The following CDKAL1 variants were observed in gnomAD, a reference collection of about 807,000 sequenced individuals.
CDKAL1 encodes threonylcarbamoyladenosine tRNA methylthiotransferase.
In CDKAL1, 32 loss-of-function variants were observed where a neutral mutation model predicts 68.2. That is an observed-to-expected ratio of 0.47 (90% CI 0.35 to 0.63). The LOEUF (loss-of-function observed/expected upper bound fraction) is 0.63, where lower values mean the gene tolerates loss of function less well. CDKAL1 is among the 30% of genes least tolerant of loss of function. CDKAL1 has a pLI of 0.00. For synonymous variants in CDKAL1, 234 were observed against 244.3 expected, an observed-to-expected ratio of 0.96 and a Z score of 0.39; for missense variants, 606 against 696.7, an observed-to-expected ratio of 0.87 and a Z score of 1.47.
intron 9 of CDKAL1, among the ~76,000 whole-genome samples, chr6:20,854,562 G>T (rs1033560727): frequency 6.6e-5 from 10 of 152,188 alleles, no homozygotes; most frequent in Non-Finnish European, 1.3e-4. Context: ...AGAAAGAGAG[G>T]TTTGCTGATA....
At chr6:20,545,458 A>T (rs371440632) in intron 2 of CDKAL1, among the ~76,000 whole-genome samples, 6 of 152,068 alleles carry the variant, frequency 3.9e-5, no homozygotes, top group African/African-American at 1.4e-4. Context: ...CTTTTTTGAG[A>T]TGGAGTTTTG....
At chr6:21,040,214 C>T (rs566536131) in intron 11 of CDKAL1, among the ~76,000 whole-genome samples, 2 of 152,208 alleles carry the variant, frequency 1.3e-5, no homozygotes, top group East Asian at 1.9e-4. Context: ...TCTCATAATA[C>T]GATGGAGTTT....
chr6:20,688,715 G>C (rs2127800430), intron 5 of CDKAL1, among the ~76,000 whole-genome samples: 1 of 152,240 alleles, frequency 6.6e-6, no homozygotes, highest in Admixed American at 6.5e-5. Flanking sequence ...TAAATTCCCA[G>C]TCTGATAATT....
At chr6:20,598,090 C>T (rs980829273) in intron 4 of CDKAL1, among the ~76,000 whole-genome samples, 3 of 152,104 alleles carry the variant, frequency 2.0e-5, no homozygotes, top group East Asian at 3.9e-4. Flanking sequence ...AGTTATAGTG[C>T]GGACATGATA....
At chr6:21,012,480 G>A (rs1309798641) in intron 11 of CDKAL1, among the ~76,000 whole-genome samples, 1 of 152,122 alleles carries the variant, frequency 6.6e-6, no homozygotes, top group African/African-American at 2.4e-5. Context: ...TCCAGGTGTG[G>A]CTTTCCATGG....
intron 6 of CDKAL1, among the ~76,000 whole-genome samples, chr6:20,751,850 T>G (rs1055419346): frequency 1.3e-5 from 2 of 152,180 alleles, no homozygotes; most frequent in Non-Finnish European, 2.9e-5. Flanking sequence ...TTTATTTATT[T>G]TATTTGAATT....
intron 5 of CDKAL1, among the ~76,000 whole-genome samples, chr6:20,678,043 TTC>T (rs541230080): frequency 4.5e-4 from 68 of 152,236 alleles, no homozygotes; most frequent in African/African-American, 1.6e-3. Flanking sequence ...GTGTATTCTC[TTC>T]TCTGTTATTA....
intron 14 of CDKAL1, among the ~76,000 whole-genome samples, chr6:21,199,604 T>G (rs1231567302): frequency 3.9e-5 from 6 of 152,182 alleles, no homozygotes; most frequent in Non-Finnish European, 8.8e-5. Context: ...AGCTGCTTCC[T>G]CCAATTTAAA....
At chr6:20,637,342 C>T (rs1274914617) in intron 4 of CDKAL1, among the ~76,000 whole-genome samples, 1 of 152,076 alleles carries the variant, frequency 6.6e-6, no homozygotes, top group East Asian at 1.9e-4. Flanking sequence ...GCGGGAGGAT[C>T]ACTTGAGGTC....
At chr6:20,924,932 A>G (rs764011265) in intron 9 of CDKAL1, among the ~76,000 whole-genome samples, 7 of 152,244 alleles carry the variant, frequency 4.6e-5, no homozygotes, top group Non-Finnish European at 7.3e-5. Context: ...AGTATTACAT[A>G]AACTTAGTTG....
chr6:21,109,779 A>G (rs1042302684), intron 13 of CDKAL1, among the ~76,000 whole-genome samples: 1 of 152,230 alleles, frequency 6.6e-6, no homozygotes, highest in African/African-American at 2.4e-5. Flanking sequence ...AAGCCACTTA[A>G]TGAACATAAG....
chr6:21,205,804 T>C (rs1778898413), intron 15 of CDKAL1, among the ~76,000 whole-genome samples: 1 of 145,888 alleles, frequency 6.9e-6, no homozygotes, highest in African/African-American at 2.6e-5. Flanking sequence ...GTGCTGGGAT[T>C]ACATGCGTGA....
At chr6:21,073,722 G>C (rs575913166) in intron 12 of CDKAL1, among the ~76,000 whole-genome samples, 15 of 152,272 alleles carry the variant, frequency 9.9e-5, no homozygotes, top group African/African-American at 3.4e-4. Flanking sequence ...TGAGTTATAA[G>C]AGTTCTTTGT....
intron 4 of CDKAL1, among the ~76,000 whole-genome samples, chr6:20,559,974 T>C (rs531933793): frequency 6.6e-6 from 1 of 152,292 alleles, no homozygotes; most frequent in Admixed American, 6.5e-5. Flanking sequence ...GTTGTTAGTA[T>C]TGTCTTCTTT....
chr6:21,014,722 A>G lies in CDKAL1; in HGVS notation c.1055+14350A>G, dbSNP rs1236553714. Among the ~76,000 whole-genome samples the G allele has an allele frequency of 2.0e-5, 3 of 152,292 alleles. No individual in the cohort carries two copies. The East Asian group carries it at 5.8e-4, about 29-fold the overall frequency. ...TCTAATTATGTTCTCTTGAGCATCAATACCGAATTTTGCACCTGGCTCAAT... is the reference window on the plus strand; with the variant it reads ...TCTAATTATGTTCTCTTGAGCATCAGTACCGAATTTTGCACCTGGCTCAAT... On this transcript the variant is annotated intron_variant, in intron 11 of 15. Transcript: ENST00000274695.
At chr6:20,582,382 T>C (rs965604946) in intron 4 of CDKAL1, among the ~76,000 whole-genome samples, 3 of 152,210 alleles carry the variant, frequency 2.0e-5, no homozygotes, top group South Asian at 4.1e-4. Context: ...TGAATTTCTG[T>C]ATATTTATTT....
chr6:20,815,933 C>T (rs1414416757), intron 8 of CDKAL1, among the ~76,000 whole-genome samples: 1 of 152,138 alleles, frequency 6.6e-6, no homozygotes, highest in Admixed American at 6.6e-5. Context: ...CTGGCAGTTC[C>T]AAAGACCAGA....
Position 21,195,699 on chromosome 6 carries a change from C to T in CDKAL1, c.1300-2322C>T, listed in dbSNP as rs575946933. The stretch of plus-strand genomic sequence containing the variant: ...CTAATTTCTGTATTTTTTATAGAGA[C>T]GGGGTTTTGCCATGTTACCCAGGCG... On this transcript the variant is annotated intron_variant, in intron 13 of 15. Coordinates refer to ENST00000274695, the MANE Select transcript of CDKAL1 (RefSeq NM_017774.3). 3.3e-5 allele frequency among the ~76,000 whole-genome samples: 5 copies of T among 151,158 alleles called. No individual in the cohort carries two copies. In the South Asian group the frequency reaches 8.4e-4, roughly 25 times the overall value.
At chr6:20,879,373 A>G (rs1029588080) in intron 9 of CDKAL1, among the ~76,000 whole-genome samples, 6 of 152,240 alleles carry the variant, frequency 3.9e-5, no homozygotes, top group African/African-American at 7.2e-5. Context: ...TGGTTTCAGC[A>G]CTGCTCTCAG....
Sources: allele counts gnomAD v4.1 joint callset (sites outside exome capture counted in the v4.1 genomes callset), GRCh38; gene constraint gnomAD v4.1.1; transcripts MANE v1.5; gene names NCBI Gene and HGNC (gene_info 2026-07-23, HGNC 2026-07-21).